LRRFIP2: variants seen among roughly 807,000 people sequenced by gnomAD.
The protein encoded by LRRFIP2 is LRR binding FLII interacting protein 2.
A neutral mutation model predicts 125.9 loss-of-function variants in LRRFIP2; 109 were observed. The observed-to-expected ratio is 0.87, with a 90% confidence interval of 0.74 to 1.01. The LOEUF (loss-of-function observed/expected upper bound fraction) is 1.01, where lower values mean the gene tolerates loss of function less well. Among genes scored for constraint, LRRFIP2 ranks in the 50% least tolerant of loss-of-function variants. The probability of loss-of-function intolerance (pLI) is 0.00; values close to 1 mark genes in which losing one functional copy is unlikely to be tolerated. For synonymous variants in LRRFIP2, 291 were observed against 293.1 expected, an observed-to-expected ratio of 0.99 and a Z score of 0.07; for missense variants, 850 against 862.3, an observed-to-expected ratio of 0.99 and a Z score of 0.18.
In LRRFIP2 at chr3:37,086,154, C is replaced by T. The variant is rs76072790; in HGVS notation, c.1108-2348G>A. 9.0e-3 allele frequency among the ~76,000 whole-genome samples: 1,376 copies of T among 152,180 alleles called. 24 individuals carry two copies. Among genetic ancestry groups the T allele is most frequent in the African/African-American group, 0.032 (1,310 of 41,494 alleles). On this transcript the variant is annotated intron_variant, in intron 18 of 27. Transcript: ENST00000336686. Reference sequence around the variant, plus strand: ...CATTAGTCATTAGGAAAATGCACATCGAAACCACAATAAGATACCACCACA... The same window carrying T: ...CATTAGTCATTAGGAAAATGCACATTGAAACCACAATAAGATACCACCACA...
intron 6 of LRRFIP2, among the ~76,000 whole-genome samples, chr3:37,120,880 G>C (rs954264795): frequency 6.6e-6 from 1 of 152,138 alleles, no homozygotes; most frequent in African/African-American, 2.4e-5. Context: ...AAGGTGTAAA[G>C]CATACTTTTT....
At chr3:37,108,555 A>G in intron 12 of LRRFIP2, 82 bp downstream of exon 12, 4 of 1,147,384 alleles carry the variant, frequency 3.5e-6, no homozygotes, top group Non-Finnish European at 5.1e-6. Context: ...CTTTTTTATT[A>G]ATTTTTGACT....
In LRRFIP2 at chr3:37,065,358, A is replaced by T. The variant is rs527765828; in HGVS notation, c.1699+452T>A. On this transcript the variant is annotated intron_variant, in intron 23 of 27. Coordinates refer to ENST00000336686, the MANE Select transcript of LRRFIP2 (RefSeq NM_006309.4). ...ATACTTCTCTGATATCTTTTTGGTC[A>T]TCTGTTTCTTGGCTTAAGAAATGTG... 5.4e-4 allele frequency: 167 copies of T among 306,456 alleles called. 1 individual carries two copies. The highest frequency in any genetic ancestry group is 7.4e-4 in the Non-Finnish European group (113 of 153,416). The allele number at this position is 306,456 out of a possible 1,614,324, so 19.0% of individuals were successfully genotyped here.
chr3:37,055,598 C>T (rs1475652907), intron 25 of LRRFIP2, among the ~76,000 whole-genome samples: 1 of 152,116 alleles, frequency 6.6e-6, no homozygotes, highest in Non-Finnish European at 1.5e-5. Context: ...TACAAATGCA[C>T]ACACAACAAC....
intron 8 of LRRFIP2, 117 bp downstream of exon 8, chr3:37,112,798 A>C (rs540271748): frequency 1.8e-6 from 1 of 564,732 alleles, no homozygotes; most frequent in Non-Finnish European, 3.1e-6. Context: ...CTGATAAATC[A>C]TGTTTCAGCA....
At chr3:37,171,649 G>C (rs1240374714) in intron 1 of LRRFIP2, among the ~76,000 whole-genome samples, 2 of 151,996 alleles carry the variant, frequency 1.3e-5, no homozygotes, top group Non-Finnish European at 2.9e-5. Flanking sequence ...GTTTGCAAAA[G>C]GATTTTTGGA....
intron 2 of LRRFIP2, among the ~76,000 whole-genome samples, chr3:37,145,688 G>T (rs2095840498): frequency 6.6e-6 from 1 of 152,162 alleles, no homozygotes; most frequent in South Asian, 2.1e-4. Flanking sequence ...TGAGAATCAA[G>T]ATGTGAAACT....
intron 18 of LRRFIP2, among the ~76,000 whole-genome samples, chr3:37,087,830 C>T (rs907440378): frequency 6.6e-6 from 1 of 152,102 alleles, no homozygotes; most frequent in African/African-American, 2.4e-5. Context: ...CTCAGGTGAT[C>T]CACCCACCTC....
intron 14 of LRRFIP2, among the ~76,000 whole-genome samples, chr3:37,105,083 T>A (rs1215092937): frequency 1.3e-5 from 2 of 152,258 alleles, no homozygotes; most frequent in Non-Finnish European, 2.9e-5. Flanking sequence ...AATGGTAACA[T>A]GATTTGTAAT....
rs1315882883 is a variant in LRRFIP2 at position 37,092,285 on chromosome 3, T to C, written c.1036-747A>G. On this transcript the variant is annotated intron_variant, in intron 17 of 27. Coordinates refer to ENST00000336686, the MANE Select transcript of LRRFIP2 (RefSeq NM_006309.4). ...CTGAATGCTCGATTTATGTCCGAAA[T>C]AACTGCACAGGGCCCTAAATACAAT... is the stretch of plus-strand genomic sequence containing the variant. 3.3e-5 allele frequency among the ~76,000 whole-genome samples: 5 copies of C among 152,300 alleles called. No homozygotes were observed. In the East Asian group the frequency reaches 9.6e-4, roughly 29 times the overall value.
intron 1 of LRRFIP2, among the ~76,000 whole-genome samples, chr3:37,168,821 C>G (rs1479789931): frequency 6.6e-6 from 1 of 152,144 alleles, no homozygotes; most frequent in Non-Finnish European, 1.5e-5. Context: ...CAGGCTGGAA[C>G]GCAGTGCCTA....
intron 1 of LRRFIP2, among the ~76,000 whole-genome samples, chr3:37,150,942 C>G (rs2096005834): frequency 6.6e-6 from 1 of 152,184 alleles, no homozygotes; most frequent in Admixed American, 6.5e-5. Context: ...TATCTGACAC[C>G]ATTTCTCATT....
rs985898473 is a variant in LRRFIP2 at position 37,060,230 on chromosome 3, C to A, written c.1750-1320G>T. On this transcript the variant is annotated intron_variant, in intron 24 of 27. Coordinates refer to ENST00000336686, the MANE Select transcript of LRRFIP2 (RefSeq NM_006309.4). The surrounding 1 kb of genome is among the most constrained non-coding windows in gnomAD (Gnocchi z 4.1). ...TCCTCAGTCTTTTCTGAGCATCCCC[C>A]CTTTACCCTCGTGCTCTGATAACCC... is the stretch of plus-strand genomic sequence containing the variant. Among the ~76,000 whole-genome samples, 1 of 152,164 alleles carries A rather than the reference C, an allele frequency of 6.6e-6. No homozygotes were observed. The highest frequency in any genetic ancestry group is 1.5e-5 in the Non-Finnish European group (1 of 68,014).
chr3:37,096,423 C>G (rs2093721406), intron 16 of LRRFIP2, among the ~76,000 whole-genome samples, 193 bp downstream of exon 16: 1 of 152,138 alleles, frequency 6.6e-6, no homozygotes, highest in African/African-American at 2.4e-5. Context: ...AAATAAAATG[C>G]AGTGCCTCTT....
chr3:37,121,933 T>C (rs1228545465), intron 4 of LRRFIP2, among the ~76,000 whole-genome samples: 1 of 151,418 alleles, frequency 6.6e-6, no homozygotes, highest in Non-Finnish European at 1.5e-5. Context: ...TTTTTTTTAA[T>C]TATACTTTAA....
At chr3:37,156,411 T>C (rs2096194646) in intron 1 of LRRFIP2, among the ~76,000 whole-genome samples, 1 of 151,720 alleles carries the variant, frequency 6.6e-6, no homozygotes, top group Non-Finnish European at 1.5e-5. Flanking sequence ...CGGTGGCTCA[T>C]GCCTGTAATC....
chr3:37,171,823 G>A (rs932390075), intron 1 of LRRFIP2, among the ~76,000 whole-genome samples: 2 of 152,124 alleles, frequency 1.3e-5, no homozygotes. Context: ...ATTGATACTG[G>A]TCATAAAATT....
At chr3:37,096,764 A>G in intron 15 of LRRFIP2, 104 bp from the exon 16 acceptor site, 5 of 601,046 alleles carry the variant, frequency 8.3e-6, no homozygotes, top group Non-Finnish European at 1.5e-5. Context: ...TGATGTTTGA[A>G]GCCTAAAAAT....
At chr3:37,138,361 G>C (rs1331213588) in intron 2 of LRRFIP2, among the ~76,000 whole-genome samples, 1 of 152,100 alleles carries the variant, frequency 6.6e-6, no homozygotes, top group Non-Finnish European at 1.5e-5. Flanking sequence ...CCATCCAATG[G>C]GTCTACAAGT....
Sources: allele counts gnomAD v4.1 joint callset (sites outside exome capture counted in the v4.1 genomes callset), GRCh38; gene constraint gnomAD v4.1.1; non-coding constraint Gnocchi (gnomAD v3.1); transcripts MANE v1.5; gene names NCBI Gene and HGNC (gene_info 2026-07-23, HGNC 2026-07-21).